Variants in DROSHA observed in about 807,000 individuals in gnomAD.
DROSHA encodes drosha ribonuclease III.
In DROSHA, 56 loss-of-function variants were observed where a neutral mutation model predicts 181.9. The ratio of observed to expected loss-of-function variants is 0.31; its 90% CI spans 0.25 to 0.38. The LOEUF is 0.38. Ranked by LOEUF, DROSHA falls within the 10% of genes least tolerant of loss-of-function variation. The pLI is 1.00. For synonymous variants in DROSHA, 524 were observed against 591.2 expected (o/e 0.89, Z 1.65); for missense variants, 1,218 against 1,743.5 (o/e 0.70, Z 5.37).
chr5:31,409,784 G>A lies in DROSHA; in HGVS notation c.3668-452C>T, dbSNP rs192051109. 5.9e-4 allele frequency among the ~76,000 whole-genome samples: 90 copies of A among 152,152 alleles called. No homozygotes were observed. Among genetic ancestry groups the A allele is most frequent in the Non-Finnish European group, 1.1e-3 (72 of 68,004 alleles). Reference sequence around the variant, plus strand: ...TATGTTAAATTTAATGAACAGAAATGGGGTAATTTATAGATTCAATCTGCC... The same window carrying A: ...TATGTTAAATTTAATGAACAGAAATAGGGTAATTTATAGATTCAATCTGCC... On this transcript the variant is annotated intron_variant, in intron 31 of 35. Transcript: ENST00000344624. This position sits in a 1 kb window ranked among gnomAD's most constrained non-coding sequence, Gnocchi z 4.0.
intron 12 of DROSHA, 122 bp from the exon 13 acceptor site, chr5:31,493,415 G>T (rs1410130422): frequency 1.4e-5 from 11 of 762,690 alleles, no homozygotes; most frequent in African/African-American, 1.8e-5. Flanking sequence ...ACACCAGGGA[G>T]AACTTTATAC....
At chr5:31,482,371 T>A (rs1046092870) in intron 16 of DROSHA, among the ~76,000 whole-genome samples, 2 of 151,658 alleles carry the variant, frequency 1.3e-5, no homozygotes, top group African/African-American at 4.9e-5. Context: ...CAGGACCTGG[T>A]GGGGAAGGCA....
At chr5:31,467,011 C>T (rs1156955304) in intron 18 of DROSHA, 1 of 152,062 alleles carries the variant, frequency 6.6e-6, no homozygotes, top group Non-Finnish European at 1.5e-5. Context: ...ATTTTTCTGA[C>T]AAGAAGGGAT....
Position 31,483,188 on chromosome 5 carries a change from A to T in DROSHA, c.2071+366T>A, listed in dbSNP as rs1023784631. 3.3e-5 allele frequency among the ~76,000 whole-genome samples: 5 copies of T among 152,320 alleles called. No homozygotes were observed. The East Asian group carries it at 9.6e-4, about 29-fold the overall frequency. ...CTACTACCTTAATGTAACTATTATT[A>T]CAGTAATTTTTTCAGCAGTTATAAT... On this transcript the variant is annotated intron_variant, in intron 16 of 35. Coordinates refer to ENST00000344624, the MANE Select transcript of DROSHA (RefSeq NM_001382508.1).
At chr5:31,424,109 G>A (rs1162241246) in intron 28 of DROSHA, among the ~76,000 whole-genome samples, 2 of 151,506 alleles carry the variant, frequency 1.3e-5, no homozygotes, top group Non-Finnish European at 2.9e-5. Context: ...TAGATATACT[G>A]GAGTCAACAT....
At chr5:31,425,949 T>C (rs1743414657) in intron 27 of DROSHA, among the ~76,000 whole-genome samples, 1 of 152,112 alleles carries the variant, frequency 6.6e-6, no homozygotes, top group Non-Finnish European at 1.5e-5. Flanking sequence ...AGCTGGCCCA[T>C]AGAAAGTACT....
In DROSHA at chr5:31,437,303, A is replaced by G. The variant is rs1301753650; in HGVS notation, c.2883-5T>C. 6.4e-7 allele frequency: 1 copy of G among 1,565,704 alleles called. No homozygotes were observed. Among genetic ancestry groups the G allele is most frequent in the South Asian group, 1.2e-5 (1 of 84,854 alleles). The stretch of plus-strand genomic sequence containing the variant: ...AACCGTTCATTGTGGTTAATCCTAC[A>G]ATAGGAATTAAAAAGGTTACTTAAT... On this transcript the variant is annotated splice_region_variant and splice_polypyrimidine_tract_variant and intron_variant, in intron 23 of 35. Coordinates refer to ENST00000344624, the MANE Select transcript of DROSHA (RefSeq NM_001382508.1).
At chr5:31,447,710 G>C (rs550842831) in intron 23 of DROSHA, among the ~76,000 whole-genome samples, 74 of 152,250 alleles carry the variant, frequency 4.9e-4, no homozygotes, top group African/African-American at 1.8e-3. Context: ...ATATTTCTCT[G>C]AAGAAGATGA....
intron 16 of DROSHA, among the ~76,000 whole-genome samples, chr5:31,476,433 A>C (rs535601135): frequency 6.6e-6 from 1 of 152,230 alleles, no homozygotes; most frequent in Non-Finnish European, 1.5e-5. Context: ...TTATTTAGGT[A>C]CAACGCTAAT....
At chr5:31,461,355 G>A (rs1748381140) in intron 20 of DROSHA, among the ~76,000 whole-genome samples, 1 of 152,152 alleles carries the variant, frequency 6.6e-6, no homozygotes, top group Non-Finnish European at 1.5e-5. Context: ...AAAATTCCAG[G>A]AAGAGCTAAC....
At chr5:31,440,882 T>C (rs1199165093) in intron 23 of DROSHA, among the ~76,000 whole-genome samples, 5 of 152,188 alleles carry the variant, frequency 3.3e-5, no homozygotes, top group Non-Finnish European at 5.9e-5. Context: ...TTCTTATGTA[T>C]GAGATATATA....
At chr5:31,405,981 A>C (rs575067165) in intron 34 of DROSHA, among the ~76,000 whole-genome samples, 3 of 152,244 alleles carry the variant, frequency 2.0e-5, no homozygotes, top group Admixed American at 6.5e-5. Context: ...TAATACTGCA[A>C]TAAAATGCCT....
At position 31,451,572 on chromosome 5, in the gene DROSHA, C is replaced by T. The variant is rs764654961; in HGVS notation, c.2643G>A (p.Lys881=). The change falls in exon 21 of 36, where the codon AAG becomes AAA. Residue 881 remains lysine (K), a synonymous_variant. Transcript: ENST00000344624. ...GATCTTGGAAAGTATATCCTATCAA[C>T]TTGTCCAAATGCATTAGGCATTGGT... ...RYHQCLMHLD[K]LIGYTFQDRC... 6.2e-7 allele frequency: 1 copy of T among 1,612,862 alleles called. No individual in the cohort carries two copies. Among genetic ancestry groups the T allele is most frequent in the South Asian group, 1.1e-5 (1 of 90,734 alleles).
At chr5:31,473,907 C>T (rs900107437) in intron 16 of DROSHA, among the ~76,000 whole-genome samples, 4 of 152,136 alleles carry the variant, frequency 2.6e-5, no homozygotes, top group African/African-American at 9.7e-5. Context: ...AAAGCTTTAC[C>T]GCTCATTAAG....
At chr5:31,436,623 C>T (rs1322283774) in intron 24 of DROSHA, among the ~76,000 whole-genome samples, 1 of 152,058 alleles carries the variant, frequency 6.6e-6, no homozygotes, top group Non-Finnish European at 1.5e-5. Flanking sequence ...GAACTCCTGA[C>T]CTCAGGTGAT....
intron 11 of DROSHA, among the ~76,000 whole-genome samples, chr5:31,497,578 T>C (rs527721596): frequency 2.0e-4 from 31 of 152,342 alleles, no homozygotes; most frequent in South Asian, 6.2e-4. Flanking sequence ...AAGGTAGCAA[T>C]TGGCCAGAAA....
chr5:31,444,047 C>A (rs947939920), intron 23 of DROSHA, among the ~76,000 whole-genome samples: 3 of 152,138 alleles, frequency 2.0e-5, no homozygotes, highest in Non-Finnish European at 4.4e-5. Flanking sequence ...AAAACAAATA[C>A]CAGCAGGATT....
chr5:31,401,635 A>C (rs1481618379), intron 35 of DROSHA, 73 bp from the exon 36 acceptor site: 1 of 1,003,394 alleles, frequency 1.0e-6, no homozygotes, highest in African/African-American at 1.7e-5. Context: ...TAATGCAACT[A>C]AACATATACA....
At chr5:31,417,627 G>T (rs1293789764) in intron 30 of DROSHA, among the ~76,000 whole-genome samples, 1 of 152,148 alleles carries the variant, frequency 6.6e-6, no homozygotes, top group African/African-American at 2.4e-5. Context: ...AGGAAGTAGT[G>T]TAAAGATGTA....
Sources: gnomAD v4.1 joint callset for allele counts (sites outside exome capture counted in the v4.1 genomes callset) on GRCh38, gnomAD v4.1.1 for gene constraint, Gnocchi (gnomAD v3.1) non-coding constraint, MANE v1.5 for transcripts, NCBI Gene and HGNC (gene_info 2026-07-23, HGNC 2026-07-21) for gene names.